ADRA1A: variants seen among roughly 807,000 people sequenced by gnomAD.
The protein encoded by ADRA1A is adrenoceptor alpha 1A, also known as alpha-1A adrenergic receptor.
ADRA1A carries 31 observed loss-of-function variants against 29.6 expected under a neutral mutation model. That is an observed-to-expected ratio of 1.05 (90% CI 0.79 to 1.41). ADRA1A has a LOEUF of 1.41. Ranked by LOEUF, ADRA1A falls within the 40% of genes most tolerant of loss-of-function variation. The pLI, the probability that ADRA1A is intolerant of heterozygous loss-of-function variation, is 0.00. For missense variants in ADRA1A, 619 were observed against 601.1 expected, an observed-to-expected ratio of 1.03 and a Z score of -0.31; for synonymous variants, 311 against 254.3, an observed-to-expected ratio of 1.22 and a Z score of -2.12.
chr8:26,748,577 A>T, exon 3 of ADRA1A: 1 of 411,888 alleles, frequency 2.4e-6, no homozygotes, highest in South Asian at 1.8e-5. Context: ...CGTCTCTACT[A>T]AAAATACAAA....
intron 2 of ADRA1A, among the ~76,000 whole-genome samples, chr8:26,839,198 G>A (rs117380715): frequency 0.2 from 27,709 of 141,366 alleles, 2,843 homozygotes; most frequent in East Asian, 0.36. Flanking sequence ...CTCGATCTAC[G>A]CCCAGGCTGG....
chr8:26,752,499 C>T (rs1394861263), downstream of ADRA1A, among the ~76,000 whole-genome samples: 2 of 152,210 alleles, frequency 1.3e-5, no homozygotes, highest in Non-Finnish European at 2.9e-5. Context: ...GGTACAGCTG[C>T]CGGCATTTAC....
intron 2 of ADRA1A, among the ~76,000 whole-genome samples, chr8:26,774,556 T>C (rs1362854859): frequency 6.6e-6 from 1 of 151,944 alleles, no homozygotes; most frequent in Admixed American, 6.6e-5. Flanking sequence ...GTAGTTCCAG[T>C]TACTCAGGAG....
In ADRA1A at chr8:26,770,222, A is replaced by G. The variant is rs761063889; in HGVS notation, c.1328T>C (p.Leu443Pro). 3.7e-6 allele frequency: 6 copies of G among 1,608,354 alleles called. No individual in the cohort carries two copies. The South Asian group carries it at 6.6e-5, about 18-fold the overall frequency. Residue 443 changes from leucine to proline, a missense_variant, in exon 3 of 3, where the codon CTT becomes CCT. Coordinates refer to ENST00000380573, the MANE Select transcript of ADRA1A (RefSeq NM_000680.4). ...GGTTGGAACTTGATGGTTCTTGTCA[A>G]GGCTGGGGGTTGAGGGCCCTACACA... The part of the protein sequence containing the change: ...CCCVGPSTPS[L>P]DKNHQVPTIK...
rs1474563319 is a variant in ADRA1A, at chr8:26,825,233, G to A, written c.883+38854C>T. On this transcript the variant is annotated intron_variant, in intron 2 of 2. Transcript: ENST00000380573. This position sits in a 1 kb window ranked among gnomAD's most constrained non-coding sequence, Gnocchi z 5.7. ...AGAGAGGAGACAGTTCCTTCTTTAG[G>A]GAATGGGGGTCATAGAGATATCTTC... Among the ~76,000 whole-genome samples the A allele has an allele frequency of 2.6e-5, 4 of 152,098 alleles. No individual in the cohort carries two copies. Among genetic ancestry groups the A allele is most frequent in the African/African-American group, 9.7e-5 (4 of 41,394 alleles).
rs752771643 is a variant in ADRA1A at position 26,864,824 on chromosome 8, A to G, written c.146T>C (p.Leu49Pro). ...FGVLGNILVI[L>P]SVACHRHLHS... ...CAGGTGTCGGTGACAGGCTACGGAG[A>G]GGATCACTAGGATGTTACCCAGCAC... Residue 49 changes from leucine to proline, a missense_variant, in exon 2 of 3, where the codon CTC becomes CCC. Transcript: ENST00000380573. This position sits in a 1 kb window ranked among gnomAD's most constrained non-coding sequence, Gnocchi z 8.1. The G allele has an allele frequency of 1.9e-6, 3 of 1,614,064 alleles. No individual in the cohort carries two copies. Among genetic ancestry groups the G allele is most frequent in the Non-Finnish European group, 2.5e-6 (3 of 1,180,012 alleles).
chr8:26,780,825 CAT>C (rs1336764376), intron 2 of ADRA1A, among the ~76,000 whole-genome samples: 1 of 152,192 alleles, frequency 6.6e-6, no homozygotes, highest in African/African-American at 2.4e-5. Flanking sequence ...GTGAACTGCA[CAT>C]GTCAGGGATC....
rs1807478613 is a variant in ADRA1A, at chr8:26,787,416, TA to T, written c.884-16751del. Among the ~76,000 whole-genome samples, 1 of 152,204 alleles carries T rather than the reference TA, an allele frequency of 6.6e-6. No individual in the cohort carries two copies. The highest frequency in any genetic ancestry group is 1.5e-5 in the Non-Finnish European group (1 of 68,046). On this transcript the variant is annotated intron_variant, in intron 2 of 2. Coordinates refer to ENST00000380573, the MANE Select transcript of ADRA1A (RefSeq NM_000680.4). The surrounding 1 kb of genome is among the most constrained non-coding windows in gnomAD (Gnocchi z 4.2). ...ACATGGAAAAAAAACCCACACATAC[TA>T]TATTCTGTCTGAAAAGACTTTGACA...
downstream of ADRA1A, among the ~76,000 whole-genome samples, chr8:26,753,884 G>T (rs2130159331): frequency 6.6e-6 from 1 of 152,260 alleles, no homozygotes; most frequent in East Asian, 1.9e-4. Context: ...CACTTAAATA[G>T]ATGGCATTCA....
Position 26,864,941 on chromosome 8 carries a change from T to C in ADRA1A, c.29A>G (p.Asp10Gly), listed in dbSNP as rs751394079. ...CGGCGGTTGGGTGCAGTTGGAGCTGTCGGAAGCATTTCCCGAGAGAAACAC... is the reference window on the plus strand; with the variant it reads ...CGGCGGTTGGGTGCAGTTGGAGCTGCCGGAAGCATTTCCCGAGAGAAACAC... MVFLSGNAS[D>G]SSNCTQPPAP... The change falls in exon 2 of 3, where the codon GAC becomes GGC. Residue 10 changes from aspartate (D) to glycine (G), a missense_variant. By Grantham distance (94) the Asp-to-Gly change is moderately conservative. Coordinates refer to ENST00000380573, the MANE Select transcript of ADRA1A (RefSeq NM_000680.4). The surrounding 1 kb of genome is among the most constrained non-coding windows in gnomAD (Gnocchi z 8.1). 5 of 1,610,080 alleles carry C rather than the reference T, an allele frequency of 3.1e-6. No homozygotes were observed. The African/African-American group carries it at 6.7e-5, about 22-fold the overall frequency.
downstream of ADRA1A, among the ~76,000 whole-genome samples, chr8:26,761,909 G>A (rs555421753): frequency 3.3e-5 from 5 of 152,284 alleles, no homozygotes; most frequent in South Asian, 2.1e-4. Flanking sequence ...AGAGCAGAGC[G>A]CCAGAAGAGA....
At position 26,805,429 on chromosome 8, in the gene ADRA1A, GAAGGGAGACC is replaced by G. The variant is rs750983632; in HGVS notation, c.884-34773_884-34764del. Among the ~76,000 whole-genome samples, 6 of 152,204 alleles carry G rather than the reference GAAGGGAGACC, an allele frequency of 3.9e-5. No homozygotes were observed. The highest frequency in any genetic ancestry group is 8.8e-5 in the Non-Finnish European group (6 of 68,044). On this transcript the variant is annotated intron_variant, in intron 2 of 2. Coordinates refer to ENST00000380573, the MANE Select transcript of ADRA1A (RefSeq NM_000680.4). This position sits in a 1 kb window ranked among gnomAD's most constrained non-coding sequence, Gnocchi z 4.8. ...TACTACGCTACAACATTGTCTTAGA[GAAGGGAGACC>G]AAGACTCTGGGTAATACAAGACTGA...
intron 2 of ADRA1A, among the ~76,000 whole-genome samples, chr8:26,818,208 T>G (rs1440104790): frequency 6.6e-6 from 1 of 152,170 alleles, no homozygotes; most frequent in East Asian, 1.9e-4. Context: ...ATGAGAAAAT[T>G]TCTGTGGGTA....
At chr8:26,763,648 G>A (rs1218391393), downstream of ADRA1A, among the ~76,000 whole-genome samples, 3 of 152,122 alleles carry the variant, frequency 2.0e-5, no homozygotes, top group African/African-American at 7.2e-5. This position sits in a 1 kb window ranked among gnomAD's most constrained non-coding sequence, Gnocchi z 4.5. Context: ...ATATTTGTAT[G>A]TGGAACACCG....
rs1283903207 is a variant in ADRA1A at position 26,866,088 on chromosome 8, A to T, written c.-686-433T>A. Among the ~76,000 whole-genome samples, 1 of 152,122 alleles carries T rather than the reference A, an allele frequency of 6.6e-6. No homozygotes were observed. On this transcript the variant is annotated intron_variant, in intron 1 of 2. Coordinates refer to ENST00000380573, the MANE Select transcript of ADRA1A (RefSeq NM_000680.4). The surrounding 1 kb of genome is among the most constrained non-coding windows in gnomAD (Gnocchi z 5.7). Reference sequence around the variant, plus strand: ...TTTCCGTTAGAACAGGTTGCCTCGCAGTCACCTGGAGGGGGCGGCCTGGGA... The same window carrying T: ...TTTCCGTTAGAACAGGTTGCCTCGCTGTCACCTGGAGGGGGCGGCCTGGGA...
intron 2 of ADRA1A, among the ~76,000 whole-genome samples, chr8:26,826,471 A>G (rs377046468): frequency 6.6e-6 from 1 of 152,204 alleles, no homozygotes; most frequent in African/African-American, 2.4e-5. Flanking sequence ...TTATAACTCT[A>G]TTGGTATAAA....
At chr8:26,786,603 C>T (rs147799852) in intron 2 of ADRA1A, among the ~76,000 whole-genome samples, 1 of 152,094 alleles carries the variant, frequency 6.6e-6, no homozygotes, top group African/African-American at 2.4e-5. Flanking sequence ...TTCACTTCTG[C>T]TCTTCTCCTT....
chr8:26,857,439 A>G (rs1435702682), intron 2 of ADRA1A, among the ~76,000 whole-genome samples: 6 of 152,138 alleles, frequency 3.9e-5, no homozygotes, highest in Non-Finnish European at 7.4e-5. Flanking sequence ...GGCTAAAGAA[A>G]AAGGATTGCT....
downstream of ADRA1A, among the ~76,000 whole-genome samples, chr8:26,755,194 C>CTT (rs34376542): frequency 0.12 from 17,146 of 145,518 alleles, 1,181 homozygotes; most frequent in Middle Eastern, 0.2. Context: ...AATAGACCTC[C>CTT]TTTTTTTTTT....
Sources: gnomAD v4.1 joint callset for allele counts (sites outside exome capture counted in the v4.1 genomes callset) on GRCh38, gnomAD v4.1.1 for gene constraint, Gnocchi (gnomAD v3.1) non-coding constraint, MANE v1.5 for transcripts, NCBI Gene and HGNC (gene_info 2026-07-23, HGNC 2026-07-21) for gene names.